Variants in NIT2 observed in about 807,000 individuals in gnomAD.
NIT2 encodes the protein omega-amidase NIT2.
Under a neutral mutation model 42.7 loss-of-function variants are expected in NIT2, and 46 were observed. The observed-to-expected ratio is 1.08, with a 90% CI of 0.85 to 1.38. The LOEUF is 1.38. NIT2 is among the 40% of genes most tolerant of loss of function. The probability of loss-of-function intolerance (pLI) is 0.00; values close to 1 mark genes in which losing one functional copy is unlikely to be tolerated. For synonymous variants in NIT2, 123 were observed against 121.9 expected (o/e 1.01, Z -0.06); for missense variants, 309 against 342.5 (o/e 0.90, Z 0.77).
intron 1 of NIT2, among the ~76,000 whole-genome samples, chr3:100,337,869 C>T (rs1281702320): frequency 6.6e-6 from 1 of 152,156 alleles, no homozygotes; most frequent in Non-Finnish European, 1.5e-5. Flanking sequence ...TCGAGACCAG[C>T]CTGGGCAACA....
At chr3:100,338,597 C>A (rs1706106063) in intron 1 of NIT2, among the ~76,000 whole-genome samples, 1 of 152,210 alleles carries the variant, frequency 6.6e-6, no homozygotes, top group Non-Finnish European at 1.5e-5. Context: ...TCCAAGGAAT[C>A]ACACTTTCTG....
intron 3 of NIT2, 52 bp from the exon 4 acceptor site, chr3:100,341,021 A>G: frequency 7.9e-6 from 10 of 1,269,604 alleles, no homozygotes; most frequent in Non-Finnish European, 1.1e-5. Context: ...CTTTCTCACA[A>G]AAGAATTGCT....
rs753497163 is a variant in NIT2 at position 100,339,941 on chromosome 3, T to C, written c.247+6T>C. ...CAGCATATATCTCATTGGAGGTAAC[T>C]TCCTACCCACAAGGTATAATGACCT... On this transcript the variant is annotated splice_donor_region_variant and intron_variant, in intron 3 of 9. Coordinates refer to ENST00000394140, the MANE Select transcript of NIT2 (RefSeq NM_020202.5). 1.7e-5 allele frequency: 27 copies of C among 1,610,220 alleles called. No individual in the cohort carries two copies. The highest frequency in any genetic ancestry group is 2.3e-5 in the Non-Finnish European group (27 of 1,178,260).
At chr3:100,350,162 T>C (rs1254462502) in intron 7 of NIT2, among the ~76,000 whole-genome samples, 1 of 152,110 alleles carries the variant, frequency 6.6e-6, no homozygotes, top group Non-Finnish European at 1.5e-5. Context: ...ATGGTGGTAA[T>C]GTTTAATGTA....
At chr3:100,342,639 A>G (rs1706169131) in intron 4 of NIT2, among the ~76,000 whole-genome samples, 1 of 151,878 alleles carries the variant, frequency 6.6e-6, no homozygotes, top group South Asian at 2.1e-4. Context: ...TTATAATGAT[A>G]TAGGTCCATT....
chr3:100,339,669 T>G, intron 2 of NIT2, 146 bp from the exon 3 acceptor site: 67 of 724,070 alleles, frequency 9.3e-5, no homozygotes, highest in Middle Eastern at 3.6e-4. Flanking sequence ...TCTTTACCCT[T>G]GAGATGTCAG....
At chr3:100,341,403 C>T (rs913113292) in intron 4 of NIT2, among the ~76,000 whole-genome samples, 1 of 152,094 alleles carries the variant, frequency 6.6e-6, no homozygotes, top group Non-Finnish European at 1.5e-5. Flanking sequence ...GAATCTCGCT[C>T]TGTCACCCAG....
rs1706348609 is a variant in NIT2 at position 100,359,014 on chromosome 3, A to C, written c.*3746A>C. 1 of 152,174 alleles carries C rather than the reference A, an allele frequency of 6.6e-6. No homozygotes were observed. Among genetic ancestry groups the C allele is most frequent in the East Asian group, 1.9e-4 (1 of 5,196 alleles). The allele number at this position is 152,174 out of a possible 1,614,324, so 9.4% of individuals were successfully genotyped here. A position where few individuals can be genotyped will look rare whatever the true frequency, so the allele number is the denominator to read the frequency against. ...GTGTGACAGTTTCACATTTCCTATC[A>C]AATTATTATCTTCATTCATTTCTAC... On this transcript the variant is annotated 3_prime_UTR_variant, in exon 10 of 10. Coordinates refer to ENST00000394140, the MANE Select transcript of NIT2 (RefSeq NM_020202.5).
Position 100,337,733 on chromosome 3 carries a change from G to A in NIT2, c.8-1354G>A, listed in dbSNP as rs1338614357. Among the ~76,000 whole-genome samples the A allele has an allele frequency of 2.6e-5, 4 of 152,164 alleles. No homozygotes were observed. The East Asian group carries it at 5.8e-4, about 22-fold the overall frequency. On this transcript the variant is annotated intron_variant, in intron 1 of 9. Coordinates refer to ENST00000394140, the MANE Select transcript of NIT2 (RefSeq NM_020202.5). Reference sequence around the variant, plus strand: ...CTCCCAAAGTGCTGGGATTACAGGCGTGAGCCATCACACCCGGCGGAAAAT... The same window carrying A: ...CTCCCAAAGTGCTGGGATTACAGGCATGAGCCATCACACCCGGCGGAAAAT...
In NIT2 at chr3:100,339,223, C is replaced by G. The variant is rs1275742495; in HGVS notation, c.126+18C>G. The G allele has an allele frequency of 6.7e-7, 1 of 1,495,064 alleles. No homozygotes were observed. Among genetic ancestry groups the G allele is most frequent in the Non-Finnish European group, 9.3e-7 (1 of 1,071,702 alleles). The allele number at this position is 1,495,064 out of a possible 1,614,324, so 92.6% of individuals were successfully genotyped here. A position where few individuals can be genotyped will look rare whatever the true frequency, so the allele number is the denominator to read the frequency against. The stretch of plus-strand genomic sequence containing the variant: ...CTTTGCCGGTCAGTATGGGAGCAGC[C>G]ATTCTGTTCTAGCCACTGTACACCC... On this transcript the variant is annotated intron_variant, in intron 2 of 9. Coordinates refer to ENST00000394140, the MANE Select transcript of NIT2 (RefSeq NM_020202.5).
At chr3:100,340,118 T>G (rs1174152189) in intron 3 of NIT2, among the ~76,000 whole-genome samples, 183 bp downstream of exon 3, 1 of 152,188 alleles carries the variant, frequency 6.6e-6, no homozygotes, top group East Asian at 1.9e-4. Flanking sequence ...TCACCCGTGC[T>G]AGAGTACAGT....
In NIT2 at chr3:100,356,567, T is replaced by C. The variant is rs566927167; in HGVS notation, c.*1299T>C. 11 of 152,350 alleles carry C rather than the reference T, an allele frequency of 7.2e-5. No homozygotes were observed. In the South Asian group the frequency reaches 2.3e-3, roughly 32 times the overall value. The allele number at this position is 152,350 out of a possible 1,614,324, so 9.4% of individuals were successfully genotyped here. On this transcript the variant is annotated 3_prime_UTR_variant, in exon 10 of 10. Transcript: ENST00000394140. Reference sequence around the variant, plus strand: ...ACGGTGTCCAAATGACACGGTGTCATTTAACTTCTGGAAAACAACACTGTG... The same window carrying C: ...ACGGTGTCCAAATGACACGGTGTCACTTAACTTCTGGAAAACAACACTGTG...
intron 1 of NIT2, 24 bp from the exon 2 acceptor site, chr3:100,339,063 G>C (rs909872469): frequency 1.3e-6 from 2 of 1,524,972 alleles, no homozygotes; most frequent in Non-Finnish European, 1.8e-6. Flanking sequence ...TCTGATAGCT[G>C]TTTTCTTTTG....
At position 100,350,414 on chromosome 3, in the gene NIT2, G is replaced by A. The variant is rs541992146; in HGVS notation, c.584+1533G>A. ...GGACTGCCACCATGGGCATGGAAGC[G>A]CCATGTGGCCTGCAAGGTGTATTGC... On this transcript the variant is annotated intron_variant, in intron 7 of 9. Transcript: ENST00000394140. Among the ~76,000 whole-genome samples, 33 of 152,304 alleles carry A rather than the reference G, an allele frequency of 2.2e-4. No individual in the cohort carries two copies. In the South Asian group the frequency reaches 3.1e-3, roughly 14 times the overall value.
chr3:100,353,745 A>G (rs1176860703), intron 8 of NIT2, among the ~76,000 whole-genome samples: 4 of 151,554 alleles, frequency 2.6e-5, no homozygotes, highest in African/African-American at 7.3e-5. Flanking sequence ...CTCTGGGCCA[A>G]GAGACTAGAC....
intron 2 of NIT2, 69 bp from the exon 3 acceptor site, chr3:100,339,746 C>G (rs1039438426): frequency 6.7e-7 from 1 of 1,497,446 alleles, no homozygotes; most frequent in Non-Finnish European, 9.1e-7. Flanking sequence ...CAGCTATGGC[C>G]TCTTACAGCA....
Position 100,359,823 on chromosome 3 carries a change from C to T in NIT2, c.*4555C>T, listed in dbSNP as rs922448648. On this transcript the variant is annotated 3_prime_UTR_variant, in exon 10 of 10. Coordinates refer to ENST00000394140, the MANE Select transcript of NIT2 (RefSeq NM_020202.5). ...CTTTGCTGGACTCTACCTTGAATGC[C>T]TCATTTTCAGCTCACACTCATGCTG... is the stretch of plus-strand genomic sequence containing the variant. 2 of 152,200 alleles carry T rather than the reference C, an allele frequency of 1.3e-5. No homozygotes were observed. Among genetic ancestry groups the T allele is most frequent in the African/African-American group, 2.4e-5 (1 of 41,446 alleles). 9.4% of individuals were successfully genotyped at this position (152,200 alleles called of 1,614,324 possible).
chr3:100,358,321 A>G lies in NIT2; in HGVS notation c.*3053A>G, dbSNP rs1299838948. ...ACACTAGATTCCCACTTGGAGTGGA[A>G]GAACATTGCAGTTGAGGCCTTGGGT... On this transcript the variant is annotated 3_prime_UTR_variant, in exon 10 of 10. Coordinates refer to ENST00000394140, the MANE Select transcript of NIT2 (RefSeq NM_020202.5). 1 of 152,232 alleles carries G rather than the reference A, an allele frequency of 6.6e-6. No individual in the cohort carries two copies. The highest frequency in any genetic ancestry group is 1.5e-5 in the Non-Finnish European group (1 of 68,034). 9.4% of individuals were successfully genotyped at this position (152,232 alleles called of 1,614,324 possible).
rs561827721 is a variant in NIT2 at position 100,361,378 on chromosome 3, A to G, written c.*6110A>G. On this transcript the variant is annotated 3_prime_UTR_variant, in exon 10 of 10. Transcript: ENST00000394140. ...TTCCAGGACAACACTTGCACAGGTT[A>G]TCTTTAAGCACCAACAAAAGAAATG... is the stretch of plus-strand genomic sequence containing the variant. 1 of 152,332 alleles carries G rather than the reference A, an allele frequency of 6.6e-6. No homozygotes were observed. The highest frequency in any genetic ancestry group is 1.5e-5 in the Non-Finnish European group (1 of 68,046). 9.4% of individuals were successfully genotyped at this position (152,332 alleles called of 1,614,324 possible). A position where few individuals can be genotyped will look rare whatever the true frequency, so the allele number is the denominator to read the frequency against.
Sources: allele counts gnomAD v4.1 joint callset (sites outside exome capture counted in the v4.1 genomes callset), GRCh38; gene constraint gnomAD v4.1.1; transcripts MANE v1.5; gene names NCBI Gene and HGNC (gene_info 2026-07-23, HGNC 2026-07-21).